Variants in GANAB observed in about 807,000 individuals in gnomAD.
GANAB encodes neutral alpha-glucosidase AB.
Under a neutral mutation model 129.9 loss-of-function variants are expected in GANAB, and 35 were observed. The ratio of observed to expected loss-of-function variants is 0.27; its 90% CI spans 0.21 to 0.36. GANAB has a LOEUF of 0.36. Ranked by LOEUF, GANAB falls within the 10% of genes least tolerant of loss-of-function variation. The pLI is 1.00. For missense variants in GANAB, 939 were observed against 1,221.0 expected, an observed-to-expected ratio of 0.77 and a Z score of 3.44; for synonymous variants, 482 against 451.8, an observed-to-expected ratio of 1.07 and a Z score of -0.85.
intron 1 of GANAB, among the ~76,000 whole-genome samples, chr11:62,640,650 G>A (rs560294644): frequency 2.0e-5 from 3 of 151,142 alleles, no homozygotes; most frequent in South Asian, 2.1e-4. Context: ...TGGCTAACAC[G>A]GTGAAACTCT....
chr11:62,646,330 T>C (rs893212603), intron 1 of GANAB, among the ~76,000 whole-genome samples: 1 of 152,186 alleles, frequency 6.6e-6, no homozygotes, highest in Non-Finnish European at 1.5e-5. Flanking sequence ...CGCACAGCTG[T>C]GGCTTTACTA....
intron 4 of GANAB, among the ~76,000 whole-genome samples, chr11:62,635,562 A>G (rs1943906030): frequency 6.9e-6 from 1 of 145,442 alleles, no homozygotes; most frequent in Non-Finnish European, 1.5e-5. Context: ...CAAAAATGGA[A>G]CTGAAAAAAC....
chr11:62,629,774 T>G, intron 14 of GANAB, 40 bp downstream of exon 14: 1 of 1,612,892 alleles, frequency 6.2e-7, no homozygotes, highest in Non-Finnish European at 8.5e-7. Flanking sequence ...TCTGGGCTGT[T>G]TTCCCTCTTT....
chr11:62,639,431 G>A lies in GANAB; in HGVS notation c.180C>T (p.Tyr60=), dbSNP rs370402082. 5 of 1,613,790 alleles carry A rather than the reference G, an allele frequency of 3.1e-6. No individual in the cohort carries two copies. The African/African-American group carries it at 6.7e-5, about 22-fold the overall frequency. ...GCTGTAGAGAGTCCAGCAAGGCTCG[G>A]TATGGAGAGAGGCCTGGCCGTATGC... ...QRSIRPGLSP[Y]RALLDSLQLG... The change falls in exon 3 of 24, where the codon TAC becomes TAT. Residue 60 remains tyrosine (Y), a synonymous_variant. Transcript: ENST00000356638.
At position 62,637,898 on chromosome 11, in the gene GANAB, CA is replaced by C. The variant is rs975916004; in HGVS notation, c.380+1084del. ...CCTGGGAGACAGCGAGACTCCATCT[CA>C]AAAAAAAAAAAAGAAAAAACGGAAA... On this transcript the variant is annotated intron_variant, in intron 4 of 23. Transcript: ENST00000356638. Among the ~76,000 whole-genome samples, 362 of 120,766 alleles carry C rather than the reference CA, an allele frequency of 3.0e-3. 2 individuals carry two copies. Among genetic ancestry groups the C allele is most frequent in the Middle Eastern group, 0.012 (3 of 252 alleles). 79.2% of individuals were successfully genotyped at this position (120,766 alleles called of 152,430 possible). A position where few individuals can be genotyped will look rare whatever the true frequency, so the allele number is the denominator to read the frequency against.
chr11:62,630,460 G>T lies in GANAB; in HGVS notation c.1432C>A (p.Arg478=), dbSNP rs1324052017. The T allele has an allele frequency of 6.2e-7, 1 of 1,614,002 alleles. No homozygotes were observed. The highest frequency in any genetic ancestry group is 1.3e-5 in the African/African-American group (1 of 74,928). ...AGGTTCCGCAGCTCCTCGTGAACTC[G>T]GTAGCCGGAGTCCACCTTGATGTGG... ...DPHIKVDSGY[R]VHEELRNLGL... is the part of the protein sequence containing the mutation. Residue 478 remains arginine (R), a synonymous_variant, in exon 12 of 24, where the codon CGA becomes AGA. Coordinates refer to ENST00000356638, the MANE Select transcript of GANAB (RefSeq NM_198334.3).
intron 1 of GANAB, among the ~76,000 whole-genome samples, chr11:62,645,358 A>C (rs1426120280): frequency 6.6e-6 from 1 of 152,148 alleles, no homozygotes; most frequent in Admixed American, 6.5e-5. Flanking sequence ...AACATAGTGA[A>C]ACCCCGTCTC....
At chr11:62,642,248 C>A (rs1176639694) in intron 1 of GANAB, among the ~76,000 whole-genome samples, 1 of 151,876 alleles carries the variant, frequency 6.6e-6, no homozygotes, top group Non-Finnish European at 1.5e-5. Flanking sequence ...AGCAACAGGG[C>A]CTCACTTTGT....
At chr11:62,632,497 A>C (rs1353213311) in intron 9 of GANAB, 68 bp downstream of exon 9, 4 of 1,183,760 alleles carry the variant, frequency 3.4e-6, no homozygotes, top group Non-Finnish European at 5.0e-6. Flanking sequence ...TAATGCCCCT[A>C]GTATACCTAT....
At position 62,625,730 on chromosome 11, in the gene GANAB, A is replaced by C; in HGVS notation, c.*85T>G. ...AGACTAGCATAAGTGAAGTCTGGGG[A>C]GGGCCGAACTCCAAGGCAGAAGAAA... On this transcript the variant is annotated 3_prime_UTR_variant, in exon 24 of 24. Transcript: ENST00000356638. 1.2e-6 allele frequency: 1 copy of C among 845,796 alleles called. No homozygotes were observed. Among genetic ancestry groups the C allele is most frequent in the Non-Finnish European group, 2.0e-6 (1 of 497,942 alleles). The allele number at this position is 845,796 out of a possible 1,614,324, so 52.4% of individuals were successfully genotyped here.
rs1472158539 is a variant in GANAB at position 62,630,677 on chromosome 11, C to T, written c.1310G>A (p.Arg437Gln). ...GCGACTGGGGTCCCAGGTGAAATAC[C>T]GCTTGCCATCAGCATGTTCAATGTC... ...WLDIEHADGK[R>Q]YFTWDPSRFP... The change falls in exon 11 of 24, where the codon CGG (arginine) becomes CAG (glutamine). Residue 437 changes from arginine (R) to glutamine (Q), a missense_variant. Arg to Gln is a conservative substitution (Grantham distance 43). Around this residue, in one of 5 missense-constraint regions of GANAB, gnomAD observed 220 missense variants for 295.9 expected, o/e 0.74. Coordinates refer to ENST00000356638, the MANE Select transcript of GANAB (RefSeq NM_198334.3). The T allele has an allele frequency of 1.9e-6, 3 of 1,614,070 alleles. No individual in the cohort carries two copies. The highest frequency in any genetic ancestry group is 1.7e-5 in the Admixed American group (1 of 60,002).
chr11:62,629,134 G>A, intron 16 of GANAB, 60 bp downstream of exon 16: 6 of 1,534,614 alleles, frequency 3.9e-6, no homozygotes, highest in East Asian at 2.2e-5. Flanking sequence ...CCTTGGTCCT[G>A]TGCCCTCTAC....
rs529110241 is a variant in GANAB at position 62,639,234 on chromosome 11, T to C, written c.253-124A>G. On this transcript the variant is annotated intron_variant, in intron 3 of 23. Coordinates refer to ENST00000356638, the MANE Select transcript of GANAB (RefSeq NM_198334.3). ...CCTTTGCCTAAAGGCCAAGATCACA[T>C]TTCTTCATAAAGTAAAAGTCCAAAG... 1,190 of 1,321,048 alleles carry C rather than the reference T, an allele frequency of 9.0e-4. 24 individuals carry two copies. The South Asian group carries it at 0.014, about 15-fold the overall frequency. The allele number at this position is 1,321,048 out of a possible 1,614,324, so 81.8% of individuals were successfully genotyped here. A position where few individuals can be genotyped will look rare whatever the true frequency, so the allele number is the denominator to read the frequency against.
chr11:62,633,518 G>A lies in GANAB; in HGVS notation c.561-4C>T. ...AGCTGGGTCTTTTGATCCTTGCCTG[G>A]AAGGTAGGAGAGCTGTCTGCTCCAA... On this transcript the variant is annotated splice_polypyrimidine_tract_variant and splice_region_variant and intron_variant, in intron 5 of 23. Transcript: ENST00000356638. 1 of 1,613,762 alleles carries A rather than the reference G, an allele frequency of 6.2e-7. No individual in the cohort carries two copies. Among genetic ancestry groups the A allele is most frequent in the Non-Finnish European group, 8.5e-7 (1 of 1,179,764 alleles).
In GANAB at chr11:62,625,419, C is replaced by G; in HGVS notation, c.*396G>C. 1 of 398,118 alleles carries G rather than the reference C, an allele frequency of 2.5e-6. No individual in the cohort carries two copies. The highest frequency in any genetic ancestry group is 4.9e-6 in the Non-Finnish European group (1 of 202,046). 24.7% of individuals were successfully genotyped at this position (398,118 alleles called of 1,614,324 possible). A position where few individuals can be genotyped will look rare whatever the true frequency, so the allele number is the denominator to read the frequency against. On this transcript the variant is annotated 3_prime_UTR_variant, in exon 24 of 24. Coordinates refer to ENST00000356638, the MANE Select transcript of GANAB (RefSeq NM_198334.3). ...GGAAAAGGAGCCCTAACTCATTGCC[C>G]TCATCTTCTTCCAAGAAGTGGCATC...
chr11:62,643,095 G>C (rs1944337198), intron 1 of GANAB, among the ~76,000 whole-genome samples: 3 of 152,152 alleles, frequency 2.0e-5, no homozygotes, highest in African/African-American at 7.2e-5. Flanking sequence ...GCTATGAAAT[G>C]ACAGATAAGA....
chr11:62,631,977 C>CTT lies in GANAB; in HGVS notation c.996+586_996+587dup, dbSNP rs531997543. 3.1e-3 allele frequency among the ~76,000 whole-genome samples: 450 copies of CTT among 143,068 alleles called. 3 individuals carry two copies. Among genetic ancestry groups the CTT allele is most frequent in the African/African-American group, 0.011 (419 of 39,050 alleles). 93.9% of individuals were successfully genotyped at this position (143,068 alleles called of 152,430 possible). Reference sequence around the variant, plus strand: ...TTCCTCCCTGTGAGTCAGAACCTTTCTTTTTTTTTTTTCTGAAACAGAGTC... The same window carrying CTT: ...TTCCTCCCTGTGAGTCAGAACCTTTCTTTTTTTTTTTTTTCTGAAACAGAGTC... On this transcript the variant is annotated intron_variant, in intron 9 of 23. Coordinates refer to ENST00000356638, the MANE Select transcript of GANAB (RefSeq NM_198334.3).
intron 5 of GANAB, chr11:62,634,422 A>G: frequency 8.1e-7 from 1 of 1,232,084 alleles, no homozygotes; most frequent in Non-Finnish European, 1.2e-6. Context: ...GAGGCACAAA[A>G]CCAACACAAA....
chr11:62,629,416 C>T, intron 15 of GANAB, 121 bp from the exon 16 acceptor site: 2 of 847,558 alleles, frequency 2.4e-6, no homozygotes, highest in South Asian at 1.5e-5. Context: ...TTCACAAGAA[C>T]ATTTGAACAA....
Sources: gnomAD v4.1 joint callset for allele counts (sites outside exome capture counted in the v4.1 genomes callset) on GRCh38, gnomAD v4.1.1 for gene constraint, gnomAD v4.1.1 regional missense constraint, MANE v1.5 for transcripts, NCBI Gene and HGNC (gene_info 2026-07-23, HGNC 2026-07-21) for gene names.